Variants in DOK6 observed in about 807,000 individuals in gnomAD.
The protein encoded by DOK6 is docking protein 6.
Under a neutral mutation model 44.0 loss-of-function variants are expected in DOK6, and 22 were observed. The ratio of observed to expected loss-of-function variants is 0.50; its 90% CI spans 0.36 to 0.71. The LOEUF is 0.71. DOK6 is among the 30% of genes least tolerant of loss of function. The pLI, the probability that DOK6 is intolerant of heterozygous loss-of-function variation, is 0.00. For missense variants in DOK6, 340 were observed against 416.4 expected, an observed-to-expected ratio of 0.82 and a Z score of 1.60; for synonymous variants, 166 against 145.5, an observed-to-expected ratio of 1.14 and a Z score of -1.01.
intron 7 of DOK6, among the ~76,000 whole-genome samples, chr18:69,827,803 G>T (rs1309940172): frequency 6.6e-6 from 1 of 151,834 alleles, no homozygotes; most frequent in Admixed American, 6.6e-5. Context: ...TATTTCTTTT[G>T]TAACAAATCT....
chr18:69,836,040 T>C (rs1020685172), intron 7 of DOK6, among the ~76,000 whole-genome samples: 2 of 152,182 alleles, frequency 1.3e-5, no homozygotes, highest in Non-Finnish European at 2.9e-5. Flanking sequence ...GGTCATTCTG[T>C]GTCAGCAACA....
intron 6 of DOK6, among the ~76,000 whole-genome samples, chr18:69,756,108 A>G (rs1161662629): frequency 6.6e-6 from 1 of 152,148 alleles, no homozygotes; most frequent in Non-Finnish European, 1.5e-5. Context: ...AATATTTTTT[A>G]CGTGGGCTTG....
chr18:69,789,596 C>T (rs1322223416), intron 7 of DOK6, among the ~76,000 whole-genome samples: 1 of 152,086 alleles, frequency 6.6e-6, no homozygotes, highest in Non-Finnish European at 1.5e-5. Context: ...TGGTAAGCAA[C>T]TGAGAACCTG....
Position 69,609,592 on chromosome 18 carries a change from A to G in DOK6, c.289+10094A>G, listed in dbSNP as rs532569342. Among the ~76,000 whole-genome samples the G allele has an allele frequency of 2.0e-5, 3 of 152,340 alleles. No individual in the cohort carries two copies. The East Asian group carries it at 5.8e-4, about 29-fold the overall frequency. ...TAGTAACGGAAATGTAAATTGATGC[A>G]GCTTTTATGGAAAACAATATGGAAG... is the stretch of plus-strand genomic sequence containing the variant. On this transcript the variant is annotated intron_variant, in intron 3 of 7. Transcript: ENST00000382713.
At chr18:69,830,978 G>T (rs1303460757) in intron 7 of DOK6, among the ~76,000 whole-genome samples, 1 of 152,036 alleles carries the variant, frequency 6.6e-6, no homozygotes, top group Non-Finnish European at 1.5e-5. Flanking sequence ...TATGAGTAAG[G>T]GTTTTCCAGA....
At chr18:69,786,210 A>G (rs1980423775) in intron 7 of DOK6, among the ~76,000 whole-genome samples, 1 of 152,206 alleles carries the variant, frequency 6.6e-6, no homozygotes, top group African/African-American at 2.4e-5. Context: ...TTAATATAAA[A>G]TCTGAGGCCT....
At chr18:69,489,071 A>G (rs1221963061) in intron 1 of DOK6, among the ~76,000 whole-genome samples, 1 of 152,200 alleles carries the variant, frequency 6.6e-6, no homozygotes, top group Non-Finnish European at 1.5e-5. Context: ...GTGCATTGAG[A>G]GAGTTTCCAT....
At chr18:69,468,781 A>G (rs1980001519) in intron 1 of DOK6, among the ~76,000 whole-genome samples, 1 of 152,188 alleles carries the variant, frequency 6.6e-6, no homozygotes, top group Non-Finnish European at 1.5e-5. Flanking sequence ...GATTTGAAAA[A>G]TTTATTGCGG....
chr18:69,748,752 T>A (rs1979070613), intron 6 of DOK6, among the ~76,000 whole-genome samples: 1 of 152,184 alleles, frequency 6.6e-6, no homozygotes, highest in South Asian at 2.1e-4. Context: ...GTGTGGCAAT[T>A]CCTCAAAGAT....
At chr18:69,621,679 C>G (rs1984442680) in intron 3 of DOK6, among the ~76,000 whole-genome samples, 1 of 152,108 alleles carries the variant, frequency 6.6e-6, no homozygotes, top group Non-Finnish European at 1.5e-5. Flanking sequence ...AGTGCTGAAA[C>G]AGACACTCAA....
chr18:69,700,093 A>G lies in DOK6; in HGVS notation c.599+1500A>G, dbSNP rs1986479567. ...GAACAGCATGGGAGGAACTGCCCCC[A>G]TGATTCAGTTATCTCCCACTGGGTC... is the stretch of plus-strand genomic sequence containing the variant. On this transcript the variant is annotated intron_variant, in intron 5 of 7. Coordinates refer to ENST00000382713, the MANE Select transcript of DOK6 (RefSeq NM_152721.6). Among the ~76,000 whole-genome samples, 3 of 151,928 alleles carry G rather than the reference A, an allele frequency of 2.0e-5. No individual in the cohort carries two copies. The South Asian group carries it at 6.2e-4, about 32-fold the overall frequency.
intron 7 of DOK6, among the ~76,000 whole-genome samples, chr18:69,830,787 G>A (rs534729617): frequency 6.6e-6 from 1 of 152,258 alleles, no homozygotes; most frequent in South Asian, 2.1e-4. Context: ...GTATCCTAAA[G>A]TGACCCATGT....
chr18:69,414,870 A>G (rs1283636935), intron 1 of DOK6, among the ~76,000 whole-genome samples: 1 of 152,132 alleles, frequency 6.6e-6, no homozygotes, highest in Admixed American at 6.6e-5. Context: ...CAAACACGAT[A>G]AGCCATCCAG....
intron 7 of DOK6, among the ~76,000 whole-genome samples, chr18:69,763,084 A>G (rs1418367140): frequency 6.6e-6 from 1 of 152,190 alleles, no homozygotes. Context: ...GGTGCTCTCA[A>G]AGAATAAGTT....
chr18:69,612,465 A>AGGGCGCATGTGTGCGAGGGCGCCTG lies in DOK6; in HGVS notation c.289+12967_289+12968insGGGCGCATGTGTGCGAGGGCGCCTG, dbSNP rs1984180059. ...AGGGCGCATGTGTGCGAGCGTGCAT[A>AGGGCGCATGTGTGCGAGGGCGCCTG]TGTATTTCTTGCTCTTTTCTAACAT... is the stretch of plus-strand genomic sequence containing the variant. On this transcript the variant is annotated intron_variant, in intron 3 of 7. Coordinates refer to ENST00000382713, the MANE Select transcript of DOK6 (RefSeq NM_152721.6). Among the ~76,000 whole-genome samples, 3 of 62,704 alleles carry AGGGCGCATGTGTGCGAGGGCGCCTG rather than the reference A, an allele frequency of 4.8e-5. 1 individual carries two copies. The highest frequency in any genetic ancestry group is 6.7e-5 in the African/African-American group (1 of 14,844). The allele number at this position is 62,704 out of a possible 152,430, so 41.1% of individuals were successfully genotyped here.
chr18:69,802,711 A>C (rs1980938825), intron 7 of DOK6, among the ~76,000 whole-genome samples: 1 of 152,110 alleles, frequency 6.6e-6, no homozygotes, highest in Non-Finnish European at 1.5e-5. Flanking sequence ...TCACCATGTG[A>C]TATGCTGGCT....
intron 4 of DOK6, among the ~76,000 whole-genome samples, chr18:69,693,781 G>A (rs1339468181): frequency 6.6e-6 from 1 of 151,998 alleles, no homozygotes; most frequent in African/African-American, 2.4e-5. Flanking sequence ...TATTTAGGCC[G>A]GGCGCGGTGG....
At chr18:69,750,427 C>T (rs900243507) in intron 6 of DOK6, among the ~76,000 whole-genome samples, 1 of 152,104 alleles carries the variant, frequency 6.6e-6, no homozygotes, top group Non-Finnish European at 1.5e-5. Context: ...GGAACATGAG[C>T]AGACATTTTT....
At chr18:69,571,954 A>G (rs1983124370) in intron 2 of DOK6, among the ~76,000 whole-genome samples, 1 of 152,088 alleles carries the variant, frequency 6.6e-6, no homozygotes, top group South Asian at 2.1e-4. Flanking sequence ...TTCACATGAC[A>G]TGGTCAACAA....
Sources: gnomAD v4.1 joint callset for allele counts (sites outside exome capture counted in the v4.1 genomes callset) on GRCh38, gnomAD v4.1.1 for gene constraint, MANE v1.5 for transcripts, NCBI Gene and HGNC (gene_info 2026-07-23, HGNC 2026-07-21) for gene names.